The following MTMR3 variants were observed in gnomAD, a reference collection of about 807,000 sequenced individuals.
MTMR3 encodes phosphatidylinositol-3,5-bisphosphate 3-phosphatase MTMR3.
A neutral mutation model predicts 132.4 loss-of-function variants in MTMR3; 32 were observed. That is an observed-to-expected ratio of 0.24 (90% CI 0.18 to 0.32). MTMR3 has a LOEUF of 0.32. Among genes scored for constraint, MTMR3 ranks in the 10% least tolerant of loss-of-function variants. The pLI, the probability that MTMR3 is intolerant of heterozygous loss-of-function variation, is 1.00. For synonymous variants in MTMR3, 556 were observed against 550.3 expected (o/e 1.01, Z -0.14); for missense variants, 1,216 against 1,489.6 (o/e 0.82, Z 3.02).
chr22:30,007,028 G>A (rs1211036715), intron 9 of MTMR3, 86 bp from the exon 10 acceptor site: 20 of 1,410,590 alleles, frequency 1.4e-5, no homozygotes, highest in Non-Finnish European at 1.9e-5. Context: ...GAATTAGACT[G>A]TTCATTAAGG....
Position 30,028,739 on chromosome 22 carries a change from A to T in MTMR3, c.*2938A>T, listed in dbSNP as rs1376786311. On this transcript the variant is annotated 3_prime_UTR_variant, in exon 20 of 20. Transcript: ENST00000401950. ...TCTGAATGTACCTTCTACCTAAAGT[A>T]TACAAACACAAAGAGCCAGCTGAGC... 1 of 152,388 alleles carries T rather than the reference A, an allele frequency of 6.6e-6. No homozygotes were observed. Among genetic ancestry groups the T allele is most frequent in the Non-Finnish European group, 1.5e-5 (1 of 68,046 alleles). 9.4% of individuals were successfully genotyped at this position (152,388 alleles called of 1,614,324 possible).
intron 1 of MTMR3, among the ~76,000 whole-genome samples, chr22:29,934,208 G>C (rs1357265898): frequency 6.6e-6 from 1 of 152,072 alleles, no homozygotes; most frequent in Non-Finnish European, 1.5e-5. Flanking sequence ...CAAAAAATTA[G>C]TCGGGCATTG....
At chr22:29,935,285 C>G (rs937231983) in intron 1 of MTMR3, among the ~76,000 whole-genome samples, 1 of 152,148 alleles carries the variant, frequency 6.6e-6, no homozygotes, top group African/African-American at 2.4e-5. Context: ...TATTAGCTCA[C>G]TTAATTCTCA....
intron 1 of MTMR3, among the ~76,000 whole-genome samples, chr22:29,946,505 A>T (rs915609088): frequency 1.1e-4 from 17 of 152,214 alleles, no homozygotes; most frequent in Non-Finnish European, 2.4e-4. Context: ...AGGCCTGTTC[A>T]TGAATGGTTT....
At chr22:29,898,927 T>TTTA (rs71198514) in intron 1 of MTMR3, among the ~76,000 whole-genome samples, 3 of 150,526 alleles carry the variant, frequency 2.0e-5, no homozygotes, top group Non-Finnish European at 4.4e-5. Flanking sequence ...TTTTTTTTTT[T>TTTA]AATGAAAGTA....
intron 1 of MTMR3, among the ~76,000 whole-genome samples, chr22:29,933,736 T>TG (rs2065691555): frequency 1.3e-5 from 2 of 150,116 alleles, no homozygotes; most frequent in African/African-American, 4.9e-5. Flanking sequence ...GTTCTGTGTT[T>TG]TTTTTTTTTT....
Position 30,028,267 on chromosome 22 carries a change from G to A in MTMR3, c.*2466G>A, listed in dbSNP as rs41281623. On this transcript the variant is annotated 3_prime_UTR_variant, in exon 20 of 20. Coordinates refer to ENST00000401950, the MANE Select transcript of MTMR3 (RefSeq NM_021090.4). ...GGAGTGGAAGGAGATGTGGGGTGGG[G>A]GTGAGAAAATGCTTCTGCCTGTTGT... 11,637 of 152,418 alleles carry A rather than the reference G, an allele frequency of 0.076. 517 individuals are homozygous for A. Among genetic ancestry groups the A allele is most frequent in the African/African-American group, 0.09 (3,747 of 41,514 alleles). 9.4% of individuals were successfully genotyped at this position (152,418 alleles called of 1,614,324 possible). A position where few individuals can be genotyped will look rare whatever the true frequency, so the allele number is the denominator to read the frequency against.
At chr22:29,892,268 G>C (rs867559158) in intron 1 of MTMR3, among the ~76,000 whole-genome samples, 12 of 152,108 alleles carry the variant, frequency 7.9e-5, no homozygotes, top group Middle Eastern at 3.2e-3. Context: ...ATTTGAAAAG[G>C]ACAAATAGTA....
chr22:29,923,218 GTTT>G (rs530826008), intron 1 of MTMR3, among the ~76,000 whole-genome samples: 25 of 144,798 alleles, frequency 1.7e-4, no homozygotes, highest in African/African-American at 6.0e-4. Flanking sequence ...ATTTTTTGTA[GTTT>G]TTTTTTTTAT....
At position 29,931,027 on chromosome 22, in the gene MTMR3, A is replaced by C. The variant is rs562527154; in HGVS notation, c.-137-26009A>C. On this transcript the variant is annotated intron_variant, in intron 1 of 19. Transcript: ENST00000401950. ...CTGTCTCAAAAGAAAAAAAAAAAAA[A>C]AAAAACTTAAAAATGACCTAACTTT... 3.5e-4 allele frequency among the ~76,000 whole-genome samples: 53 copies of C among 152,034 alleles called. 1 individual carries two copies. In the South Asian group the frequency reaches 9.8e-3, roughly 28 times the overall value.
chr22:29,890,457 G>T (rs1454285051), intron 1 of MTMR3, among the ~76,000 whole-genome samples: 2 of 152,026 alleles, frequency 1.3e-5, no homozygotes, highest in African/African-American at 4.8e-5. Flanking sequence ...GGCAGAGGTT[G>T]CAGTGAGCCG....
chr22:29,986,941 A>G (rs1452423222), intron 5 of MTMR3: 1 of 152,146 alleles, frequency 6.6e-6, no homozygotes, highest in Admixed American at 6.5e-5. Context: ...GGGTTTCTCC[A>G]TGTTGGTCAG....
intron 1 of MTMR3, among the ~76,000 whole-genome samples, chr22:29,917,282 T>C (rs750107943): frequency 6.6e-6 from 1 of 152,214 alleles, no homozygotes; most frequent in Non-Finnish European, 1.5e-5. Flanking sequence ...TTCTTAGTAA[T>C]ATTAACCCCT....
intron 15 of MTMR3, 188 bp from the exon 16 acceptor site, chr22:30,017,739 A>G (rs1242248255): frequency 1.6e-5 from 9 of 562,730 alleles, no homozygotes; most frequent in African/African-American, 4.0e-5. Flanking sequence ...AATGTTGGCT[A>G]TATAAAATGT....
rs1029708933 is a variant in MTMR3 at position 30,019,844 on chromosome 22, A to T, written c.2185A>T (p.Arg729Trp). The change falls in exon 17 of 20, where the codon AGG (arginine) becomes TGG (tryptophan). Residue 729 changes from arginine to tryptophan, a missense_variant. This residue lies in a region of MTMR3 where 852 missense variants were observed against 852.0 expected (regional missense o/e 1.00). Transcript: ENST00000401950. ...EDPLLEKESR[R>W]KTPEASAIGL... is the part of the protein sequence containing the mutation. ...CCCTCTCTTAGAAAAGGAGAGCAGG[A>T]GGAAGACACCTGAGGCCTCAGCCAT... The T allele has an allele frequency of 3.7e-6, 6 of 1,614,088 alleles. No homozygotes were observed. In the African/African-American group the frequency reaches 8.0e-5, roughly 22 times the overall value.
In MTMR3 at chr22:30,025,788, C is replaced by T. The variant is rs1393191869; in HGVS notation, c.3584C>T (p.Ala1195Val). The change falls in exon 20 of 20, where the codon GCC becomes GTC. Residue 1195 changes from alanine (A) to valine (V), a missense_variant. Around this residue, in one of 7 missense-constraint regions of MTMR3, gnomAD observed 852 missense variants for 852.0 expected, o/e 1.00. Coordinates refer to ENST00000401950, the MANE Select transcript of MTMR3 (RefSeq NM_021090.4). ...IDLELDKPIA[A>V]TSN ...CTTGAACTGGATAAGCCCATTGCTGCCACTTCCAACTGAAGCTCAGTGACC... is the reference window on the plus strand; with the variant it reads ...CTTGAACTGGATAAGCCCATTGCTGTCACTTCCAACTGAAGCTCAGTGACC... 2 of 1,614,024 alleles carry T rather than the reference C, an allele frequency of 1.2e-6. No individual in the cohort carries two copies. The highest frequency in any genetic ancestry group is 1.7e-6 in the Non-Finnish European group (2 of 1,180,010).
At chr22:29,981,855 A>G (rs944501276) in intron 5 of MTMR3, 3 of 149,958 alleles carry the variant, frequency 2.0e-5, no homozygotes, top group Non-Finnish European at 4.4e-5. Flanking sequence ...CACCCAAGGT[A>G]ATGGCTTTGT....
At chr22:29,939,719 A>T (rs1401422442) in intron 1 of MTMR3, among the ~76,000 whole-genome samples, 1 of 151,858 alleles carries the variant, frequency 6.6e-6, no homozygotes, top group Non-Finnish European at 1.5e-5. Flanking sequence ...TCAGGGTGGT[A>T]TGGCCGTAGG....
intron 5 of MTMR3, chr22:29,986,580 T>TG: frequency 1.0e-6 from 1 of 984,906 alleles, no homozygotes; most frequent in Non-Finnish European, 1.2e-6. Flanking sequence ...CACAGCACCT[T>TG]GGGGTTAAGG....
Sources: gnomAD v4.1 joint callset for allele counts (sites outside exome capture counted in the v4.1 genomes callset) on GRCh38, gnomAD v4.1.1 for gene constraint, gnomAD v4.1.1 regional missense constraint, MANE v1.5 for transcripts, NCBI Gene and HGNC (gene_info 2026-07-23, HGNC 2026-07-21) for gene names.